Variants in TENT4A observed in about 807,000 individuals in gnomAD.
TENT4A encodes DNA polymerase kappa.
TENT4A carries 7 observed loss-of-function variants against 72.8 expected under a neutral mutation model. The ratio of observed to expected loss-of-function variants is 0.10; its 90% confidence interval spans 0.05 to 0.18. The LOEUF (loss-of-function observed/expected upper bound fraction) is 0.18, where lower values mean the gene tolerates loss of function less well. TENT4A is among the 10% of genes least tolerant of loss of function. The pLI, the probability that TENT4A is intolerant of heterozygous loss-of-function variation, is 1.00. For synonymous variants in TENT4A, 456 were observed against 434.3 expected, an observed-to-expected ratio of 1.05 and a Z score of -0.62; for missense variants, 831 against 1,017.7, an observed-to-expected ratio of 0.82 and a Z score of 2.50.
chr5:6,751,433 G>GGCTTTTCAC (rs1742400911), intron 11 of TENT4A: 1 of 245,918 alleles, frequency 4.1e-6, no homozygotes, highest in South Asian at 7.0e-5. Flanking sequence ...GCTTTTCACG[G>GGCTTTTCAC]GGGCCAGGTT....
intron 8 of TENT4A, among the ~76,000 whole-genome samples, chr5:6,749,098 T>C (rs1254635520): frequency 2.0e-5 from 3 of 152,174 alleles, no homozygotes; most frequent in African/African-American, 7.2e-5. Context: ...TGGTGGATGA[T>C]GGAATAAACA....
chr5:6,724,157 C>T (rs1034051586), intron 1 of TENT4A, among the ~76,000 whole-genome samples: 1 of 152,220 alleles, frequency 6.6e-6, no homozygotes, highest in Admixed American at 6.5e-5. Context: ...AATAAAGGCA[C>T]TGGTGCCCAG....
Position 6,713,646 on chromosome 5 carries a change from ACGC to A in TENT4A, c.-325_-323del, listed in dbSNP as rs1228003101. 2 of 143,128 alleles carry A rather than the reference ACGC, an allele frequency of 1.4e-5. No individual in the cohort carries two copies. Among genetic ancestry groups the A allele is most frequent in the Non-Finnish European group, 1.6e-5 (1 of 64,498 alleles). The allele number at this position is 143,128 out of a possible 1,614,324, so 8.9% of individuals were successfully genotyped here. A position where few individuals can be genotyped will look rare whatever the true frequency, so the allele number is the denominator to read the frequency against. ...GGCCTCTCCCCGCGGCCCGAGTGGA[ACGC>A]CGCCGCCGCCGCGGCCCCCGCGCCC... On this transcript the variant is annotated 5_prime_UTR_variant, in exon 1 of 13. Transcript: ENST00000230859.
intron 8 of TENT4A, among the ~76,000 whole-genome samples, chr5:6,749,228 T>C (rs1742264188): frequency 6.6e-6 from 1 of 152,108 alleles, no homozygotes; most frequent in Non-Finnish European, 1.5e-5. Context: ...TGTAGGGCAC[T>C]CGTCTCGGTA....
Position 6,723,618 on chromosome 5 carries a change from T to A in TENT4A, c.716+8919T>A, listed in dbSNP as rs1740766609. Among the ~76,000 whole-genome samples, 3 of 152,224 alleles carry A rather than the reference T, an allele frequency of 2.0e-5. No homozygotes were observed. The South Asian group carries it at 6.2e-4, about 31-fold the overall frequency. Reference sequence around the variant, plus strand: ...CTAACAGTGTTCAGTGAACAAGACGTCGCTAACATGCGGGGGATGGAACCT... The same window carrying A: ...CTAACAGTGTTCAGTGAACAAGACGACGCTAACATGCGGGGGATGGAACCT... On this transcript the variant is annotated intron_variant, in intron 1 of 12. Transcript: ENST00000230859.
In TENT4A at chr5:6,731,839, G is replaced by A. The variant is rs189019078; in HGVS notation, c.717-5671G>A. On this transcript the variant is annotated intron_variant, in intron 1 of 12. Transcript: ENST00000230859. ...AAGAAGCTACTGGATTTAAAGTCTA[G>A]GAGAATGTCCTAGACAAGCCCATAG... Among the ~76,000 whole-genome samples, 135 of 152,292 alleles carry A rather than the reference G, an allele frequency of 8.9e-4. 1 individual carries two copies. Among genetic ancestry groups the A allele is most frequent in the East Asian group, 1.9e-3 (10 of 5,178 alleles).
In TENT4A at chr5:6,754,844, C is replaced by A. The variant is rs1214821840; in HGVS notation, c.2278C>A (p.Pro760Thr). ...TGTGGGTAGCGGAGGTGTGCGGCCC[C>A]CTGTGGGCAACAGGGGACACCACCA... is the stretch of plus-strand genomic sequence containing the variant. ...SSVGSGGVRP[P>T]VGNRGHHQYN... Residue 760 changes from proline to threonine, a missense_variant, in exon 13 of 13, where the codon CCT becomes ACT. Physicochemically the swap from Pro to Thr is conservative, Grantham distance 38. This residue lies in a region of TENT4A where 332 missense variants were observed against 324.3 expected (regional missense o/e 1.02). Coordinates refer to ENST00000230859, the MANE Select transcript of TENT4A (RefSeq NM_006999.6). 1 of 1,610,370 alleles carries A rather than the reference C, an allele frequency of 6.2e-7. No individual in the cohort carries two copies. Among genetic ancestry groups the A allele is most frequent in the African/African-American group, 1.3e-5 (1 of 74,998 alleles).
intron 12 of TENT4A, among the ~76,000 whole-genome samples, chr5:6,753,887 G>A (rs1742548686): frequency 2.0e-5 from 3 of 152,182 alleles, no homozygotes; most frequent in African/African-American, 4.8e-5. Context: ...GAACAACTTC[G>A]CACACCGGCC....
rs546418498 is a variant in TENT4A, at chr5:6,723,655, C to G, written c.716+8956C>G. On this transcript the variant is annotated intron_variant, in intron 1 of 12. Transcript: ENST00000230859. ...GGGGGATGGAACCTAGCAACTCATT[C>G]TACAAACATGGTTCAAATATGTTGG... is the stretch of plus-strand genomic sequence containing the variant. 5.3e-5 allele frequency among the ~76,000 whole-genome samples: 8 copies of G among 152,318 alleles called. 1 individual carries two copies. The South Asian group carries it at 1.4e-3, about 28-fold the overall frequency.
intron 1 of TENT4A, among the ~76,000 whole-genome samples, chr5:6,730,819 A>G (rs1741174497): frequency 6.6e-6 from 1 of 151,050 alleles, no homozygotes; most frequent in Admixed American, 6.6e-5. Context: ...TGCAGGTATT[A>G]GTTGCCTTGT....
intron 8 of TENT4A, 30 bp from the exon 9 acceptor site, chr5:6,749,527 C>T (rs776413274): frequency 6.9e-7 from 1 of 1,442,564 alleles, no homozygotes; most frequent in Non-Finnish European, 9.8e-7. Flanking sequence ...CTGTTGTACT[C>T]TGTTGATCTC....
intron 1 of TENT4A, among the ~76,000 whole-genome samples, chr5:6,733,477 T>G (rs1448492359): frequency 6.6e-6 from 1 of 152,234 alleles, no homozygotes; most frequent in Non-Finnish European, 1.5e-5. Flanking sequence ...GATCAATGCA[T>G]AGAAATTTCT....
intron 1 of TENT4A, among the ~76,000 whole-genome samples, chr5:6,727,871 T>C (rs1199727174): frequency 1.3e-5 from 2 of 152,212 alleles, no homozygotes; most frequent in Non-Finnish European, 2.9e-5. Context: ...GGGTATGCTG[T>C]GCAGAGGCTC....
intron 1 of TENT4A, among the ~76,000 whole-genome samples, chr5:6,718,553 TCC>T (rs1740497479): frequency 2.0e-5 from 3 of 152,206 alleles, no homozygotes; most frequent in Non-Finnish European, 4.4e-5. Flanking sequence ...AGTTTCACTC[TCC>T]GAGTCCCAGA....
chr5:6,751,323 T>G (rs1742391396), intron 11 of TENT4A, 126 bp downstream of exon 11: 7 of 939,438 alleles, frequency 7.5e-6, no homozygotes, highest in Non-Finnish European at 1.2e-5. Flanking sequence ...ATTTGGCCAT[T>G]GGTGTGTTGT....
intron 12 of TENT4A, among the ~76,000 whole-genome samples, chr5:6,753,828 C>G (rs911205562): frequency 6.6e-6 from 1 of 152,252 alleles, no homozygotes; most frequent in African/African-American, 2.4e-5. Flanking sequence ...AGTAATAGAA[C>G]ATTTCCTCTT....
chr5:6,734,384 A>T lies in TENT4A; in HGVS notation c.717-3126A>T, dbSNP rs187344227. 2.6e-5 allele frequency among the ~76,000 whole-genome samples: 4 copies of T among 152,354 alleles called. No individual in the cohort carries two copies. The East Asian group carries it at 7.7e-4, about 29-fold the overall frequency. ...GGGGCTTTTCAGGCCAGCCCAGAGG[A>T]TGTAATGATGATGGTTGGCACTGTC... On this transcript the variant is annotated intron_variant, in intron 1 of 12. Transcript: ENST00000230859.
chr5:6,733,238 A>C (rs1741295640), intron 1 of TENT4A, among the ~76,000 whole-genome samples: 2 of 152,234 alleles, frequency 1.3e-5, no homozygotes. Flanking sequence ...AAGCCCTCCC[A>C]GGCACTTCCC....
chr5:6,718,914 G>T (rs974345826), intron 1 of TENT4A, among the ~76,000 whole-genome samples: 4 of 152,028 alleles, frequency 2.6e-5, no homozygotes, highest in Admixed American at 2.0e-4. Flanking sequence ...CTCTGGAAAA[G>T]GAGGGTCGGA....
Sources: allele counts gnomAD v4.1 joint callset (sites outside exome capture counted in the v4.1 genomes callset), GRCh38; gene constraint gnomAD v4.1.1; regional missense constraint gnomAD v4.1.1; transcripts MANE v1.5; gene names NCBI Gene and HGNC (gene_info 2026-07-23, HGNC 2026-07-21).